FOXP2: variants seen among roughly 807,000 people sequenced by gnomAD.
FOXP2 encodes forkhead box protein P2.
Under a neutral mutation model 115.8 loss-of-function variants are expected in FOXP2, and 12 were observed. That is an observed-to-expected ratio of 0.10 (90% confidence interval 0.07 to 0.17). The LOEUF (loss-of-function observed/expected upper bound fraction) is 0.17. Among genes scored for constraint, FOXP2 ranks in the 10% least tolerant of loss-of-function variants. The pLI is 1.00. For missense variants in FOXP2, 629 were observed against 843.5 expected (o/e 0.75, Z 3.15); for synonymous variants, 328 against 297.7 (o/e 1.10, Z -1.05).
At chr7:114,489,877 A>T (rs2129242945) in intron 2 of FOXP2, among the ~76,000 whole-genome samples, 1 of 152,254 alleles carries the variant, frequency 6.6e-6, no homozygotes, top group East Asian at 1.9e-4. Context: ...CAACAACGAG[A>T]TATTGCTGTG....
intron 1 of FOXP2, among the ~76,000 whole-genome samples, chr7:114,252,351 A>C (rs1795471039): frequency 6.6e-6 from 1 of 152,198 alleles, no homozygotes; most frequent in Non-Finnish European, 1.5e-5. Context: ...TGATTGGAAT[A>C]GTTTCAGAAG....
intron 2 of FOXP2, among the ~76,000 whole-genome samples, chr7:114,490,651 C>T (rs1399779245): frequency 6.6e-6 from 1 of 152,056 alleles, no homozygotes; most frequent in Non-Finnish European, 1.5e-5. Flanking sequence ...GCTATCCCTC[C>T]CCCATACCCC....
chr7:114,313,934 T>G (rs1242323307), intron 2 of FOXP2, among the ~76,000 whole-genome samples: 1 of 151,964 alleles, frequency 6.6e-6, no homozygotes. Flanking sequence ...TTTTTCAAAC[T>G]GAAAGTCTGG....
chr7:114,140,884 C>A (rs117056968), intron 1 of FOXP2, among the ~76,000 whole-genome samples: 2 of 151,162 alleles, frequency 1.3e-5, no homozygotes, highest in African/African-American at 2.4e-5. Flanking sequence ...TTCTGTGATA[C>A]ACAAGGATGT....
chr7:114,628,282 A>G (rs1206661986), intron 3 of FOXP2, among the ~76,000 whole-genome samples: 1 of 152,212 alleles, frequency 6.6e-6, no homozygotes, highest in Non-Finnish European at 1.5e-5. Flanking sequence ...TATAGCCGAA[A>G]TTCAAATATC....
intron 1 of FOXP2, among the ~76,000 whole-genome samples, chr7:114,144,680 T>G (rs1221492210): frequency 6.6e-6 from 1 of 152,160 alleles, no homozygotes; most frequent in Admixed American, 6.5e-5. Flanking sequence ...TTATTATTTT[T>G]CACCTGAGGG....
rs1796368344 is a variant in FOXP2, at chr7:114,478,122, G to GA, written c.168+51448dup. On this transcript the variant is annotated intron_variant, in intron 2 of 16. Transcript: ENST00000350908. ...TTTTTAAAAACAAAGAGCATCTAAG[G>GA]AAAAATAGATAAAGTTATTAAGAAG... Among the ~76,000 whole-genome samples, 3 of 151,848 alleles carry GA rather than the reference G, an allele frequency of 2.0e-5. No homozygotes were observed. In the South Asian group the frequency reaches 6.2e-4, roughly 32 times the overall value.
chr7:114,190,835 A>G (rs1277643883), intron 1 of FOXP2, among the ~76,000 whole-genome samples: 1 of 152,224 alleles, frequency 6.6e-6, no homozygotes, highest in African/African-American at 2.4e-5. Flanking sequence ...ATAAATATAA[A>G]AAGAAAAATT....
At chr7:114,221,144 G>A (rs1794611497) in intron 1 of FOXP2, among the ~76,000 whole-genome samples, 1 of 151,870 alleles carries the variant, frequency 6.6e-6, no homozygotes, top group Non-Finnish European at 1.5e-5. Flanking sequence ...TAAATTTCAG[G>A]TTTCTATGAT....
At chr7:114,672,166 C>T (rs924377708) in intron 16 of FOXP2, among the ~76,000 whole-genome samples, 3 of 152,174 alleles carry the variant, frequency 2.0e-5, no homozygotes, top group African/African-American at 7.2e-5. Context: ...GAGGATAAGT[C>T]ACCATTGATC....
chr7:114,448,104 G>T (rs577035054), intron 2 of FOXP2, among the ~76,000 whole-genome samples: 1 of 152,126 alleles, frequency 6.6e-6, no homozygotes, highest in African/African-American at 2.4e-5. Flanking sequence ...ACTTGGAGGG[G>T]GAAATGCCTT....
At chr7:114,155,494 T>C (rs1792640435) in intron 1 of FOXP2, among the ~76,000 whole-genome samples, 1 of 152,138 alleles carries the variant, frequency 6.6e-6, no homozygotes, top group African/African-American at 2.4e-5. Context: ...GAAATGGCCC[T>C]GGAAAGCTGT....
chr7:114,195,429 T>G (rs377322621), intron 1 of FOXP2, among the ~76,000 whole-genome samples: 1 of 152,216 alleles, frequency 6.6e-6, no homozygotes, highest in Non-Finnish European at 1.5e-5. Context: ...TCTCAGCATC[T>G]TCTCATTGCT....
chr7:114,384,273 ATT>A (rs1343597241), intron 2 of FOXP2, among the ~76,000 whole-genome samples: 2 of 152,182 alleles, frequency 1.3e-5, no homozygotes, highest in African/African-American at 4.8e-5. Context: ...GTTCCTGAGT[ATT>A]TCATAACAAC....
At chr7:114,138,904 C>T (rs1223687321) in intron 1 of FOXP2, among the ~76,000 whole-genome samples, 1 of 152,048 alleles carries the variant, frequency 6.6e-6, no homozygotes, top group Non-Finnish European at 1.5e-5. Flanking sequence ...TAGGTAAAAA[C>T]TAAGGAAATA....
At chr7:114,509,504 A>G (rs1797971691) in intron 2 of FOXP2, among the ~76,000 whole-genome samples, 1 of 152,076 alleles carries the variant, frequency 6.6e-6, no homozygotes, top group South Asian at 2.1e-4. Flanking sequence ...AAAGTTTTAT[A>G]AATTCTGGGT....
At chr7:114,640,156 C>T (rs934848208) in intron 6 of FOXP2, among the ~76,000 whole-genome samples, 10 of 152,124 alleles carry the variant, frequency 6.6e-5, no homozygotes, top group African/African-American at 2.4e-4. Flanking sequence ...TGAAGTTTTC[C>T]TGTTGGGACA....
intron 1 of FOXP2, among the ~76,000 whole-genome samples, chr7:114,130,450 T>C (rs1019718184): frequency 2.0e-5 from 3 of 152,236 alleles, no homozygotes; most frequent in African/African-American, 7.2e-5. Context: ...TTTGTGTAGG[T>C]TTTCTTTTCG....
chr7:114,685,782 G>C (rs1447461949), intron 16 of FOXP2, among the ~76,000 whole-genome samples: 1 of 152,056 alleles, frequency 6.6e-6, no homozygotes, highest in East Asian at 1.9e-4. Context: ...TTATATCTGT[G>C]ATACTCCTCT....
Sources: allele counts gnomAD v4.1 joint callset (sites outside exome capture counted in the v4.1 genomes callset), GRCh38; gene constraint gnomAD v4.1.1; transcripts MANE v1.5; gene names NCBI Gene and HGNC (gene_info 2026-07-23, HGNC 2026-07-21).